Variants in NEDD4L observed in about 807,000 individuals in gnomAD.
NEDD4L encodes NEDD4 like E3 ubiquitin protein ligase.
A neutral mutation model predicts 148.9 loss-of-function variants in NEDD4L; 54 were observed. The ratio of observed to expected loss-of-function variants is 0.36; its 90% CI spans 0.29 to 0.45. NEDD4L has a LOEUF of 0.45. Among genes scored for constraint, NEDD4L ranks in the 20% least tolerant of loss-of-function variants. The pLI is 1.00. For synonymous variants in NEDD4L, 433 were observed against 440.7 expected (o/e 0.98, Z 0.22); for missense variants, 856 against 1,233.8 (o/e 0.69, Z 4.59).
At chr18:58,312,101 C>T (rs896504532) in intron 5 of NEDD4L, among the ~76,000 whole-genome samples, 4 of 152,176 alleles carry the variant, frequency 2.6e-5, no homozygotes, top group Middle Eastern at 3.2e-3. Flanking sequence ...TTTCCAATAT[C>T]GGAATATGAA....
At chr18:58,123,776 A>C (rs1315911597) in intron 1 of NEDD4L, among the ~76,000 whole-genome samples, 1 of 152,116 alleles carries the variant, frequency 6.6e-6, no homozygotes, top group East Asian at 1.9e-4. Flanking sequence ...GAAGCCGTTC[A>C]GTCAGTGAGA....
chr18:58,177,100 C>G (rs2038252718), intron 2 of NEDD4L, among the ~76,000 whole-genome samples: 1 of 149,846 alleles, frequency 6.7e-6, no homozygotes, highest in Non-Finnish European at 1.5e-5. Context: ...AGCCCCTGGC[C>G]CCTTCCTGCA....
At chr18:58,334,337 A>G (rs924272517) in intron 12 of NEDD4L, among the ~76,000 whole-genome samples, 1 of 152,174 alleles carries the variant, frequency 6.6e-6, no homozygotes, top group Non-Finnish European at 1.5e-5. Flanking sequence ...GAGCCTCTGT[A>G]CCTTCTCTTT....
chr18:58,084,671 T>TGTGTGTGTGTGTGTG (rs1555686019), intron 1 of NEDD4L, among the ~76,000 whole-genome samples: 2 of 133,738 alleles, frequency 1.5e-5, no homozygotes, highest in East Asian at 4.5e-4. Flanking sequence ...TGTGGGGTTT[T>TGTGTGTGTGTGTGTG]TGTGTGTGTG....
Position 58,269,685 on chromosome 18 carries a change from A to C in NEDD4L, c.297+17631A>C, listed in dbSNP as rs2050745912. ...TCTGATTTTCAGTCAGGGTTGAGAA[A>C]AACTGATTTAAGAAGTTAATGCTAC... On this transcript the variant is annotated intron_variant, in intron 5 of 30. Coordinates refer to ENST00000400345, the MANE Select transcript of NEDD4L (RefSeq NM_001144967.3). Among the ~76,000 whole-genome samples the C allele has an allele frequency of 2.0e-5, 3 of 152,058 alleles. No individual in the cohort carries two copies. In the South Asian group the frequency reaches 6.2e-4, roughly 31 times the overall value.
intron 2 of NEDD4L, among the ~76,000 whole-genome samples, chr18:58,173,415 C>T (rs933164420): frequency 6.6e-6 from 1 of 152,196 alleles, no homozygotes; most frequent in Non-Finnish European, 1.5e-5. Flanking sequence ...GGCATCAAAC[C>T]TGCTTGGGTT....
chr18:58,216,977 G>A (rs1176607301), intron 2 of NEDD4L, among the ~76,000 whole-genome samples: 2 of 152,174 alleles, frequency 1.3e-5, no homozygotes, highest in Non-Finnish European at 2.9e-5. Context: ...ATGTTTTGAG[G>A]ATACAAATCT....
At chr18:58,368,931 G>A (rs1193611154) in intron 22 of NEDD4L, among the ~76,000 whole-genome samples, 1 of 152,236 alleles carries the variant, frequency 6.6e-6, no homozygotes, top group African/African-American at 2.4e-5. Context: ...GGTCAGTTTA[G>A]TCACCGTATG....
At chr18:58,299,258 GTGCCTTTA>G (rs1294987613) in intron 5 of NEDD4L, among the ~76,000 whole-genome samples, 1 of 152,248 alleles carries the variant, frequency 6.6e-6, no homozygotes, top group Non-Finnish European at 1.5e-5. Context: ...TGCCACATCA[GTGCCTTTA>G]TCCAAGTGTC....
chr18:58,220,636 G>T (rs778476961), intron 2 of NEDD4L, among the ~76,000 whole-genome samples: 2 of 152,194 alleles, frequency 1.3e-5, no homozygotes, highest in African/African-American at 4.8e-5. Context: ...AACACTTCGC[G>T]AGTGAGCATG....
intron 5 of NEDD4L, among the ~76,000 whole-genome samples, chr18:58,272,165 C>T (rs2051141639): frequency 1.3e-5 from 2 of 152,036 alleles, no homozygotes; most frequent in Non-Finnish European, 1.5e-5. Context: ...TCTTTCCAGA[C>T]CTATTTTATG....
At chr18:58,156,197 G>A (rs1042632828) in intron 1 of NEDD4L, among the ~76,000 whole-genome samples, 6 of 152,180 alleles carry the variant, frequency 3.9e-5, no homozygotes, top group East Asian at 1.9e-4. Flanking sequence ...TAGTAGAAGC[G>A]TTGGTGTTCT....
At chr18:58,364,386 C>A in intron 20 of NEDD4L, 53 bp downstream of exon 20, 1 of 1,116,322 alleles carries the variant, frequency 9.0e-7, no homozygotes, top group Non-Finnish European at 1.3e-6. Context: ...TGTAAGTTAC[C>A]ACAGTCACTT....
Position 58,400,485 on chromosome 18 carries a change from G to GA in NEDD4L, c.*4219dup, listed in dbSNP as rs2050781362. 6.6e-6 allele frequency: 1 copy of GA among 152,146 alleles called. No individual in the cohort carries two copies. Among genetic ancestry groups the GA allele is most frequent in the Non-Finnish European group, 1.5e-5 (1 of 68,010 alleles). The allele number at this position is 152,146 out of a possible 1,614,324, so 9.4% of individuals were successfully genotyped here. ...CCCAGAGTGTTCTCAGTATGTCAGA[G>GA]AAAGTGCCACAGCATTAGGACGGGA... On this transcript the variant is annotated 3_prime_UTR_variant, in exon 31 of 31. Transcript: ENST00000400345.
intron 1 of NEDD4L, among the ~76,000 whole-genome samples, chr18:58,090,429 C>T (rs899300367): frequency 2.0e-5 from 3 of 152,124 alleles, no homozygotes; most frequent in Non-Finnish European, 4.4e-5. Flanking sequence ...TGGTTCCTTC[C>T]GTTTTCTCCG....
intron 5 of NEDD4L, among the ~76,000 whole-genome samples, chr18:58,310,255 T>C (rs2057530676): frequency 6.6e-6 from 1 of 152,216 alleles, no homozygotes; most frequent in Non-Finnish European, 1.5e-5. Flanking sequence ...TTTGTTGTTA[T>C]AAATAAGGAC....
chr18:58,269,900 G>C (rs540824131), intron 5 of NEDD4L, among the ~76,000 whole-genome samples: 2 of 149,514 alleles, frequency 1.3e-5, no homozygotes, highest in African/African-American at 2.4e-5. Context: ...TTCAAGCAAG[G>C]TTGTAAAATA....
intron 1 of NEDD4L, among the ~76,000 whole-genome samples, chr18:58,110,650 A>G (rs1354955907): frequency 1.3e-5 from 2 of 152,186 alleles, no homozygotes; most frequent in Non-Finnish European, 2.9e-5. Context: ...CTGAGAGAGA[A>G]GCCTTTGTTT....
intron 2 of NEDD4L, among the ~76,000 whole-genome samples, chr18:58,176,890 C>T (rs988455491): frequency 5.9e-5 from 9 of 152,088 alleles, no homozygotes; most frequent in Admixed American, 3.9e-4. Flanking sequence ...TTTTAGGAAG[C>T]GGAAGGTGTC....
Sources: allele counts gnomAD v4.1 joint callset (sites outside exome capture counted in the v4.1 genomes callset), GRCh38; gene constraint gnomAD v4.1.1; transcripts MANE v1.5; gene names NCBI Gene and HGNC (gene_info 2026-07-23, HGNC 2026-07-21).